Variants in TASOR observed in about 807,000 individuals in gnomAD.
TASOR encodes protein TASOR.
Under a neutral mutation model 178.6 loss-of-function variants are expected in TASOR, and 53 were observed. The ratio of observed to expected loss-of-function variants is 0.30; its 90% CI spans 0.24 to 0.37. The LOEUF (loss-of-function observed/expected upper bound fraction) is 0.37. TASOR is among the 10% of genes least tolerant of loss of function. The pLI is 1.00. For missense variants in TASOR, 1,815 were observed against 1,971.4 expected (o/e 0.92, Z 1.50); for synonymous variants, 713 against 696.2 (o/e 1.02, Z -0.38).
intron 1 of TASOR, among the ~76,000 whole-genome samples, chr3:56,675,570 A>C (rs1247121078): frequency 1.5e-5 from 2 of 131,076 alleles, no homozygotes; most frequent in Non-Finnish European, 3.2e-5. Flanking sequence ...TATGCACAAA[A>C]TACTTTAATT....
rs553137837 is a variant in TASOR, at chr3:56,657,537, T to C, written c.1368+3194A>G. Among the ~76,000 whole-genome samples, 7 of 152,282 alleles carry C rather than the reference T, an allele frequency of 4.6e-5. No individual in the cohort carries two copies. The East Asian group carries it at 9.7e-4, about 21-fold the overall frequency. ...TCGCATACCTTAAGATTTAGATCTG[T>C]AGTCATTTATCTAGTTAATTGCTCT... On this transcript the variant is annotated intron_variant, in intron 11 of 23. Transcript: ENST00000683822.
rs564372615 is a variant in TASOR, at chr3:56,669,914, G to A, written c.644-123C>T. Reference sequence around the variant, plus strand: ...AGGTGTTCAAAAATCAGAAACAAAAGATAAAACTGATCTTACATTTCAGAA... The same window carrying A: ...AGGTGTTCAAAAATCAGAAACAAAAAATAAAACTGATCTTACATTTCAGAA... On this transcript the variant is annotated intron_variant, in intron 4 of 23. Transcript: ENST00000683822. 2,946 of 888,446 alleles carry A rather than the reference G, an allele frequency of 3.3e-3. 115 individuals carry two copies. The South Asian group carries it at 0.051, about 16-fold the overall frequency. The allele number at this position is 888,446 out of a possible 1,614,324, so 55.0% of individuals were successfully genotyped here. A position where few individuals can be genotyped will look rare whatever the true frequency, so the allele number is the denominator to read the frequency against.
intron 6 of TASOR, among the ~76,000 whole-genome samples, chr3:56,667,783 C>T (rs1479378479): frequency 1.3e-5 from 2 of 152,268 alleles, no homozygotes; most frequent in South Asian, 4.1e-4. Flanking sequence ...TTTAAAAAGA[C>T]AAACACAAAA....
intron 17 of TASOR, among the ~76,000 whole-genome samples, chr3:56,636,360 C>A (rs1026025041): frequency 6.6e-6 from 1 of 151,850 alleles, no homozygotes. Context: ...AACACACATA[C>A]ATGTCAATCC....
At chr3:56,664,403 G>C (rs1303090041) in intron 7 of TASOR, 1 of 152,170 alleles carries the variant, frequency 6.6e-6, no homozygotes, top group Non-Finnish European at 1.5e-5. Context: ...AAACACTGTA[G>C]TGAAAGTATG....
chr3:56,634,696 A>G (rs985456495), intron 17 of TASOR, among the ~76,000 whole-genome samples: 2 of 152,194 alleles, frequency 1.3e-5, no homozygotes, highest in South Asian at 2.1e-4. Flanking sequence ...CTCATTTGAG[A>G]TACAGATGTT....
chr3:56,623,494 T>C lies in TASOR; in HGVS notation c.4556A>G (p.Glu1519Gly), dbSNP rs2076733248. 6 of 1,612,576 alleles carry C rather than the reference T, an allele frequency of 3.7e-6. No individual in the cohort carries two copies. The highest frequency in any genetic ancestry group is 5.1e-6 in the Non-Finnish European group (6 of 1,179,908). Residue 1519 changes from glutamate (E) to glycine (G), a missense_variant, in exon 24 of 24, where the codon GAA becomes GGA. Transcript: ENST00000683822. ...LDSGDEISHI[E>G]VCSNFHSEIW... is the part of the protein sequence containing the mutation. Reference sequence around the variant, plus strand: ...TTCTGAATGAAAATTGCTGCATACTTCTATATGTGAGATTTCATCCCCTGA... The same window carrying C: ...TTCTGAATGAAAATTGCTGCATACTCCTATATGTGAGATTTCATCCCCTGA...
chr3:56,662,398 A>G lies in TASOR; in HGVS notation c.1147T>C (p.Leu383=). The change falls in exon 9 of 24, where the codon TTG becomes CTG. Residue 383 remains leucine, a synonymous_variant. Coordinates refer to ENST00000683822, the MANE Select transcript of TASOR (RefSeq NM_001365635.2). ...ACTTATACTTACAGTTTGATAGGCA[A>G]AAAAGCACGAGTGGCTGACCTCAGA... The part of the protein sequence containing the change: ...ISLRSATRAF[L]PIKLPEKLDV... 1 of 1,547,408 alleles carries G rather than the reference A, an allele frequency of 6.5e-7. No individual in the cohort carries two copies. Among genetic ancestry groups the G allele is most frequent in the Non-Finnish European group, 8.7e-7 (1 of 1,143,932 alleles).
intron 5 of TASOR, among the ~76,000 whole-genome samples, 156 bp from the exon 6 acceptor site, chr3:56,668,714 C>T (rs1450774204): frequency 2.0e-5 from 3 of 152,218 alleles, no homozygotes; most frequent in African/African-American, 7.2e-5. Context: ...TGACTCAGGC[C>T]TGTAATCCCA....
intron 6 of TASOR, 123 bp from the exon 7 acceptor site, chr3:56,666,507 G>C (rs2029990458): frequency 5.0e-6 from 3 of 602,778 alleles, no homozygotes; most frequent in Non-Finnish European, 7.7e-6. Flanking sequence ...ATGTCTTTAA[G>C]CTCTGCGTGC....
chr3:56,659,288 C>G (rs943342620), intron 11 of TASOR, among the ~76,000 whole-genome samples: 1 of 152,144 alleles, frequency 6.6e-6, no homozygotes, highest in Non-Finnish European at 1.5e-5. Flanking sequence ...AATGGCGCAC[C>G]TATGCAAAAA....
At chr3:56,642,063 C>A (rs1374838598) in intron 14 of TASOR, among the ~76,000 whole-genome samples, 1 of 152,148 alleles carries the variant, frequency 6.6e-6, no homozygotes, top group Non-Finnish European at 1.5e-5. Flanking sequence ...CAACCAGGTG[C>A]TTGACAAGAG....
chr3:56,681,681 T>TA (rs923890454), intron 1 of TASOR, among the ~76,000 whole-genome samples: 1 of 152,148 alleles, frequency 6.6e-6, no homozygotes, highest in African/African-American at 2.4e-5. Flanking sequence ...AACCATACAG[T>TA]AGGGCAAAAA....
chr3:56,652,859 A>G (rs931181933), intron 11 of TASOR, among the ~76,000 whole-genome samples: 3 of 152,232 alleles, frequency 2.0e-5, no homozygotes, highest in African/African-American at 7.2e-5. Context: ...GGATTTTTAA[A>G]CTAGAAGATA....
At chr3:56,649,407 G>A (rs1034574180) in intron 11 of TASOR, among the ~76,000 whole-genome samples, 2 of 152,160 alleles carry the variant, frequency 1.3e-5, no homozygotes, top group Non-Finnish European at 2.9e-5. Context: ...AATGGCCAAG[G>A]TAATGTGCTA....
At chr3:56,666,780 G>C (rs2030035755) in intron 6 of TASOR, among the ~76,000 whole-genome samples, 1 of 152,136 alleles carries the variant, frequency 6.6e-6, no homozygotes, top group African/African-American at 2.4e-5. Context: ...TATTTCAAAA[G>C]AAAAACACAC....
chr3:56,646,527 T>C lies in TASOR; in HGVS notation c.2210A>G (p.Tyr737Cys), dbSNP rs780914252. ...TSNLSENCHLYEESPQPIGSL... is the reference protein window; with the variant it reads ...TSNLSENCHLCEESPQPIGSL... The stretch of plus-strand genomic sequence containing the variant: ...AGAGCAATCTGATATTTTACCTTCA[T>C]ACAGATGGCAATTTTCAGATAAATT... Residue 737 changes from tyrosine to cysteine, a missense_variant, in exon 14 of 24, where the codon TAT (tyrosine) becomes TGT (cysteine). This residue lies in a region of TASOR where 655 missense variants were observed against 671.1 expected (regional missense o/e 0.98). Coordinates refer to ENST00000683822, the MANE Select transcript of TASOR (RefSeq NM_001365635.2). The C allele has an allele frequency of 3.7e-6, 6 of 1,600,406 alleles. No individual in the cohort carries two copies. In the Admixed American group the frequency reaches 6.9e-5, roughly 19 times the overall value.
chr3:56,650,802 TA>T (rs1280185665), intron 11 of TASOR, among the ~76,000 whole-genome samples: 1 of 152,220 alleles, frequency 6.6e-6, no homozygotes, highest in African/African-American at 2.4e-5. Context: ...GGCTACCATT[TA>T]TAGCCACGCT....
In TASOR at chr3:56,623,338, C is replaced by G. The variant is rs1270028343; in HGVS notation, c.4712G>C (p.Arg1571Thr). The G allele has an allele frequency of 1.2e-6, 2 of 1,613,434 alleles. No individual in the cohort carries two copies. The highest frequency in any genetic ancestry group is 1.7e-5 in the Admixed American group (1 of 59,986). The change falls in exon 24 of 24, where the codon AGA becomes ACA. Residue 1571 changes from arginine to threonine, a missense_variant. Transcript: ENST00000683822. ...EDKTYLDSEERTSIDIVCSEG... is the reference protein window; with the variant it reads ...EDKTYLDSEETTSIDIVCSEG... ...AGAGCATACTATATCAATAGAAGTT[C>G]TCTCTTCAGAATCAAGGTAAGTCTT...
Sources: gnomAD v4.1 joint callset for allele counts (sites outside exome capture counted in the v4.1 genomes callset) on GRCh38, gnomAD v4.1.1 for gene constraint, gnomAD v4.1.1 regional missense constraint, MANE v1.5 for transcripts, NCBI Gene and HGNC (gene_info 2026-07-23, HGNC 2026-07-21) for gene names.